Variants in CAMK1D observed in about 807,000 individuals in gnomAD.
The protein encoded by CAMK1D is calcium/calmodulin dependent protein kinase ID, also known as calcium/calmodulin-dependent protein kinase type 1D.
CAMK1D carries 9 observed loss-of-function variants against 47.7 expected under a neutral mutation model. The observed-to-expected ratio is 0.19, with a 90% CI of 0.11 to 0.33. The LOEUF (loss-of-function observed/expected upper bound fraction) is 0.33. CAMK1D is among the 10% of genes least tolerant of loss of function. The pLI, the probability that CAMK1D is intolerant of heterozygous loss-of-function variation, is 1.00. For synonymous variants in CAMK1D, 184 were observed against 184.9 expected (o/e 0.99, Z 0.04); for missense variants, 291 against 488.7 (o/e 0.60, Z 3.81).
chr10:12,729,255 C>T (rs1325166615), intron 3 of CAMK1D, among the ~76,000 whole-genome samples: 6 of 152,172 alleles, frequency 3.9e-5, no homozygotes, highest in Non-Finnish European at 7.3e-5. Context: ...ATCTCCACCT[C>T]CATGGAGCAG....
intron 1 of CAMK1D, among the ~76,000 whole-genome samples, chr10:12,382,273 A>G (rs1838367862): frequency 6.6e-6 from 1 of 152,082 alleles, no homozygotes; most frequent in African/African-American, 2.4e-5. Flanking sequence ...CCAGCCTCTC[A>G]CTATATAGTC....
chr10:12,430,840 T>A (rs10795955), intron 1 of CAMK1D, among the ~76,000 whole-genome samples: 108,317 of 151,986 alleles, frequency 0.71, 39,542 homozygotes, highest in Non-Finnish European at 0.8. Context: ...AACCTCTGCC[T>A]CCTGTGTTTA....
At chr10:12,515,086 C>T (rs1347151237) in intron 1 of CAMK1D, among the ~76,000 whole-genome samples, 1 of 151,928 alleles carries the variant, frequency 6.6e-6, no homozygotes, top group African/African-American at 2.4e-5. Flanking sequence ...TGGTCTCGAA[C>T]TCCTGACCTC....
chr10:12,716,933 G>A (rs995945450), intron 3 of CAMK1D, among the ~76,000 whole-genome samples: 1 of 152,274 alleles, frequency 6.6e-6, no homozygotes. Context: ...CAGATCCTGT[G>A]AGCAATGCTT....
intron 5 of CAMK1D, among the ~76,000 whole-genome samples, chr10:12,774,526 CTT>C (rs950741083): frequency 2.6e-5 from 4 of 152,300 alleles, no homozygotes; most frequent in Middle Eastern, 3.4e-3. Context: ...GTCGTATAGA[CTT>C]TAGCTTCTAC....
intron 1 of CAMK1D, among the ~76,000 whole-genome samples, chr10:12,406,312 C>T (rs1039694380): frequency 2.6e-5 from 4 of 151,996 alleles, no homozygotes; most frequent in Admixed American, 6.6e-5. Flanking sequence ...CGCCAAACAC[C>T]AAAACAAATT....
At chr10:12,590,690 C>G (rs1837970155) in intron 2 of CAMK1D, among the ~76,000 whole-genome samples, 1 of 152,234 alleles carries the variant, frequency 6.6e-6, no homozygotes, top group African/African-American at 2.4e-5. Context: ...TCTAACTGGG[C>G]AGACGTAAAG....
chr10:12,560,834 G>T (rs1205202185), intron 2 of CAMK1D, among the ~76,000 whole-genome samples: 2 of 152,080 alleles, frequency 1.3e-5, no homozygotes, highest in African/African-American at 4.8e-5. Context: ...TGACACATAG[G>T]GAGGCAGGTG....
intron 3 of CAMK1D, among the ~76,000 whole-genome samples, chr10:12,751,052 AT>A (rs1564535273): frequency 0.021 from 5 of 234 alleles, no homozygotes; most frequent in East Asian, 0.13. Flanking sequence ...GTCTCCCCCA[AT>A]AAGATAAGAT....
chr10:12,503,333 C>T (rs45594139), intron 1 of CAMK1D, among the ~76,000 whole-genome samples: 22,543 of 152,180 alleles, frequency 0.15, 1,730 homozygotes, highest in Non-Finnish European at 0.16. Flanking sequence ...TATTTAAATG[C>T]GTTCAACGAC....
intron 1 of CAMK1D, among the ~76,000 whole-genome samples, chr10:12,405,271 G>A (rs1045838203): frequency 2.0e-5 from 3 of 152,276 alleles, no homozygotes; most frequent in African/African-American, 4.8e-5. Flanking sequence ...GACCTAAAGC[G>A]TTTAAGTTCC....
chr10:12,706,239 T>C (rs1460854274), intron 3 of CAMK1D, among the ~76,000 whole-genome samples: 1 of 152,232 alleles, frequency 6.6e-6, no homozygotes, highest in Non-Finnish European at 1.5e-5. Context: ...TCATAGCTAC[T>C]TGGAATGGCT....
intron 5 of CAMK1D, among the ~76,000 whole-genome samples, chr10:12,771,841 CT>C (rs906007752): frequency 1.3e-5 from 2 of 152,164 alleles, no homozygotes; most frequent in African/African-American, 4.8e-5. Flanking sequence ...CAAGATCAGC[CT>C]GGCCAACATG....
intron 2 of CAMK1D, among the ~76,000 whole-genome samples, chr10:12,662,651 C>CAAAAAAAAGAAAAAAAAAAA (rs1840307912): frequency 7.1e-6 from 1 of 140,434 alleles, no homozygotes; most frequent in Admixed American, 7.0e-5. Context: ...CACTCTGCCT[C>CAAAAAAAAGAAAAAAAAAAA]AAAAAAAAAA....
intron 1 of CAMK1D, among the ~76,000 whole-genome samples, chr10:12,445,901 G>C (rs1243253405): frequency 6.6e-6 from 1 of 151,750 alleles, no homozygotes. Context: ...ACATGTTGGC[G>C]TTTTTTTTCT....
At chr10:12,432,691 TAATG>T (rs895399133) in intron 1 of CAMK1D, among the ~76,000 whole-genome samples, 5 of 152,348 alleles carry the variant, frequency 3.3e-5, no homozygotes, top group South Asian at 2.1e-4. Flanking sequence ...GTGAGTTGAA[TAATG>T]AATGAATGAG....
chr10:12,734,375 T>A (rs12784568), intron 3 of CAMK1D, among the ~76,000 whole-genome samples: 4 of 38,978 alleles, frequency 1.0e-4, no homozygotes, highest in African/African-American at 5.1e-4. Flanking sequence ...TATATATATA[T>A]ATAGATATAG....
At chr10:12,548,991 G>A (rs1011455697) in intron 1 of CAMK1D, among the ~76,000 whole-genome samples, 6 of 152,178 alleles carry the variant, frequency 3.9e-5, no homozygotes, top group Non-Finnish European at 8.8e-5. Flanking sequence ...GAGTAGCTGG[G>A]ACTACAGACA....
intron 3 of CAMK1D, among the ~76,000 whole-genome samples, chr10:12,753,097 C>T (rs985596558): frequency 6.6e-6 from 1 of 151,904 alleles, no homozygotes; most frequent in African/African-American, 2.4e-5. Flanking sequence ...ACTAAAAATA[C>T]AAAAATTAGC....
Sources: allele counts gnomAD v4.1 joint callset (sites outside exome capture counted in the v4.1 genomes callset), GRCh38; gene constraint gnomAD v4.1.1; transcripts MANE v1.5; gene names NCBI Gene and HGNC (gene_info 2026-07-23, HGNC 2026-07-21).